The following PI4KA variants were observed in gnomAD, a reference collection of about 807,000 sequenced individuals.
PI4KA encodes phosphatidylinositol 4-kinase alpha, also known as PI4-kinase alpha.
In PI4KA, 122 loss-of-function variants were observed where a neutral mutation model predicts 271.4. That is an observed-to-expected ratio of 0.45 (90% CI 0.39 to 0.52). The LOEUF (loss-of-function observed/expected upper bound fraction) is 0.52, where lower values mean the gene tolerates loss of function less well. PI4KA is among the 20% of genes least tolerant of loss of function. The pLI, the probability that PI4KA is intolerant of heterozygous loss-of-function variation, is 0.00. For missense variants in PI4KA, 1,969 were observed against 2,769.1 expected (o/e 0.71, Z 6.48); for synonymous variants, 1,041 against 1,078.8 (o/e 0.96, Z 0.69).
chr22:20,807,493 A>G, intron 9 of PI4KA, 35 bp from the exon 10 acceptor site: 1 of 1,268,494 alleles, frequency 7.9e-7, no homozygotes, highest in Non-Finnish European at 1.2e-6. Flanking sequence ...ACTATAGAAC[A>G]GAAATGCCCT....
intron 19 of PI4KA, chr22:20,779,478 C>G: frequency 6.2e-7 from 1 of 1,614,168 alleles, no homozygotes; most frequent in East Asian, 2.2e-5. Flanking sequence ...GCCTCTTCTC[C>G]CTGCCGACTT....
At chr22:20,857,642 C>T (rs1927767800) in intron 1 of PI4KA, among the ~76,000 whole-genome samples, 1 of 152,218 alleles carries the variant, frequency 6.6e-6, no homozygotes. Context: ...ACTGCTCACC[C>T]ACTCTGTGCC....
In PI4KA at chr22:20,765,178, C is replaced by T. The variant is rs1415555564; in HGVS notation, c.2496G>A (p.Leu832=). ...GVCEIATKSP[L]LTFPSKEPLR... ...GTGGCTCCTTGCTGGGAAAGGTGAG[C>T]AAGGGGGACTTAGTGGCTATTTCAC... is the stretch of plus-strand genomic sequence containing the variant. The change falls in exon 21 of 55, where the codon TTG becomes TTA. Residue 832 remains leucine, a synonymous_variant. Coordinates refer to ENST00000255882, the MANE Select transcript of PI4KA (RefSeq NM_058004.4). 1 of 1,613,778 alleles carries T rather than the reference C, an allele frequency of 6.2e-7. No individual in the cohort carries two copies. Among genetic ancestry groups the T allele is most frequent in the Non-Finnish European group, 8.5e-7 (1 of 1,179,866 alleles).
intron 42 of PI4KA, among the ~76,000 whole-genome samples, chr22:20,724,769 G>A (rs1381490929): frequency 6.6e-6 from 1 of 152,086 alleles, no homozygotes. Flanking sequence ...GAGGCCCTGG[G>A]TACTGGCTCC....
At chr22:20,762,243 T>A (rs781459086) in intron 22 of PI4KA, among the ~76,000 whole-genome samples, 1 of 152,148 alleles carries the variant, frequency 6.6e-6, no homozygotes, top group Non-Finnish European at 1.5e-5. Flanking sequence ...TGCACCAACC[T>A]GTCAAGAGTT....
chr22:20,846,835 C>CAA (rs361933), intron 1 of PI4KA, among the ~76,000 whole-genome samples: 622 of 61,482 alleles, frequency 0.01, 11 homozygotes, highest in Non-Finnish European at 0.014. Flanking sequence ...AGTGCAGGCT[C>CAA]AAAAAAAAAA....
intron 41 of PI4KA, among the ~76,000 whole-genome samples, chr22:20,726,895 C>G (rs920510336): frequency 5.9e-5 from 9 of 152,056 alleles, no homozygotes; most frequent in African/African-American, 1.4e-4. Context: ...GTGAGGGACC[C>G]TCCACGGGTG....
rs539368616 is a variant in PI4KA at position 20,745,602 on chromosome 22, G to C, written c.3364-882C>G. On this transcript the variant is annotated intron_variant, in intron 29 of 54. Coordinates refer to ENST00000255882, the MANE Select transcript of PI4KA (RefSeq NM_058004.4). ...TTTCTCTCATGAAATTATTAAACTG[G>C]TTTATTTAAAAAAATAAATTACGTG... Among the ~76,000 whole-genome samples, 9 of 152,132 alleles carry C rather than the reference G, an allele frequency of 5.9e-5. No individual in the cohort carries two copies. In the South Asian group the frequency reaches 1.9e-3, roughly 32 times the overall value.
At chr22:20,824,280 T>C (rs1305114349) in intron 4 of PI4KA, 46 bp downstream of exon 4, 3 of 1,198,884 alleles carry the variant, frequency 2.5e-6, no homozygotes, top group Admixed American at 1.7e-5. Flanking sequence ...TGGGACTCTA[T>C]TCAATCTAAT....
chr22:20,742,487 A>T, intron 31 of PI4KA, 121 bp downstream of exon 31: 1 of 1,536,134 alleles, frequency 6.5e-7, no homozygotes, highest in Non-Finnish European at 8.9e-7. Flanking sequence ...CATGAGAGAT[A>T]CTCCTCTACT....
chr22:20,787,010 C>A (rs771202457), intron 19 of PI4KA: 18 of 1,614,014 alleles, frequency 1.1e-5, no homozygotes, highest in Non-Finnish European at 1.4e-5. Flanking sequence ...CATCTACGAG[C>A]ATCGCACCAG....
intron 19 of PI4KA, among the ~76,000 whole-genome samples, chr22:20,781,705 G>C (rs950792925): frequency 6.6e-6 from 1 of 152,234 alleles, no homozygotes; most frequent in Non-Finnish European, 1.5e-5. Context: ...GCTTGCGGCA[G>C]ACACACACAC....
intron 19 of PI4KA, among the ~76,000 whole-genome samples, chr22:20,775,290 T>TA (rs1363911754): frequency 6.6e-6 from 1 of 152,240 alleles, no homozygotes; most frequent in Non-Finnish European, 1.5e-5. Flanking sequence ...AACCTAGTGA[T>TA]AGTTTTTAAA....
chr22:20,746,794 A>G (rs1568983429), intron 29 of PI4KA, among the ~76,000 whole-genome samples: 1 of 152,178 alleles, frequency 6.6e-6, no homozygotes, highest in Non-Finnish European at 1.5e-5. Context: ...GAGTGCCCTG[A>G]TAGCAAAATG....
At chr22:20,817,537 C>T (rs1601561145) in intron 7 of PI4KA, among the ~76,000 whole-genome samples, 1 of 151,464 alleles carries the variant, frequency 6.6e-6, no homozygotes, top group Middle Eastern at 3.4e-3. Context: ...GAGTTCCGGA[C>T]CAGCCTGGGC....
chr22:20,721,706 C>A, intron 42 of PI4KA: 1 of 341,602 alleles, frequency 2.9e-6, no homozygotes, highest in South Asian at 6.3e-5. Context: ...AACTCTCAAA[C>A]CAATTTCTGG....
chr22:20,729,033 G>A lies in PI4KA; in HGVS notation c.4682+280C>T, dbSNP rs1374546173. Among the ~76,000 whole-genome samples the A allele has an allele frequency of 2.6e-5, 4 of 152,202 alleles. No homozygotes were observed. The East Asian group carries it at 7.7e-4, about 29-fold the overall frequency. On this transcript the variant is annotated intron_variant, in intron 39 of 54. Coordinates refer to ENST00000255882, the MANE Select transcript of PI4KA (RefSeq NM_058004.4). ...GCCTCCACATGCTTCCTATCCGGCA[G>A]GAATCAGATCTTGGCTCTGAATTCA...
rs757245068 is a variant in PI4KA at position 20,802,146 on chromosome 22, T to A, written c.1592-41A>T. The A allele has an allele frequency of 3.2e-6, 5 of 1,569,396 alleles. No homozygotes were observed. In the Admixed American group the frequency reaches 8.5e-5, roughly 27 times the overall value. On this transcript the variant is annotated intron_variant, in intron 13 of 54. Coordinates refer to ENST00000255882, the MANE Select transcript of PI4KA (RefSeq NM_058004.4). Reference sequence around the variant, plus strand: ...TCAAATATATACCTAGTTAGGCCTATCATTTTCCATCACCTTCTTTGTAAT... The same window carrying A: ...TCAAATATATACCTAGTTAGGCCTAACATTTTCCATCACCTTCTTTGTAAT...
At chr22:20,842,814 C>T (rs1374397287) in intron 1 of PI4KA, among the ~76,000 whole-genome samples, 1 of 81,690 alleles carries the variant, frequency 1.2e-5, no homozygotes, top group African/African-American at 4.7e-5. Context: ...GACTCTGTCT[C>T]AAAAAAAAAA....
Sources: allele counts gnomAD v4.1 joint callset (sites outside exome capture counted in the v4.1 genomes callset), GRCh38; gene constraint gnomAD v4.1.1; transcripts MANE v1.5; gene names NCBI Gene and HGNC (gene_info 2026-07-23, HGNC 2026-07-21).